Variants in RAD51B observed in about 807,000 individuals in gnomAD.
RAD51B encodes RAD51 paralog B.
RAD51B carries 38 observed loss-of-function variants against 42.2 expected under a neutral mutation model. The observed-to-expected ratio is 0.90, with a 90% CI of 0.70 to 1.18. The LOEUF is 1.18. RAD51B is among the 50% of genes most tolerant of loss of function. RAD51B has a pLI of 0.00. For missense variants in RAD51B, 373 were observed against 400.7 expected (o/e 0.93, Z 0.59); for synonymous variants, 154 against 145.2 (o/e 1.06, Z -0.43).
At chr14:68,425,034 C>T (rs2084799417) in intron 9 of RAD51B, among the ~76,000 whole-genome samples, 1 of 152,156 alleles carries the variant, frequency 6.6e-6, no homozygotes, top group Admixed American at 6.5e-5. Flanking sequence ...CTCAGTCATC[C>T]AAAGGGCTGA....
At chr14:67,948,040 A>G (rs1046340764) in intron 7 of RAD51B, among the ~76,000 whole-genome samples, 6 of 152,098 alleles carry the variant, frequency 3.9e-5, no homozygotes, top group African/African-American at 1.2e-4. Flanking sequence ...AATTAGGTAA[A>G]TAGTTCTATT....
chr14:68,338,733 C>A, intron 8 of RAD51B: 1 of 407,162 alleles, frequency 2.5e-6, no homozygotes, highest in South Asian at 2.2e-5. Flanking sequence ...TACATTTAAC[C>A]CAGTTCAGTG....
Position 68,169,650 on chromosome 14 carries a change from G to A in RAD51B, c.757-122234G>A, listed in dbSNP as rs1335746001. Among the ~76,000 whole-genome samples, 8 of 149,818 alleles carry A rather than the reference G, an allele frequency of 5.3e-5. 1 individual carries two copies. The highest frequency in any genetic ancestry group is 1.2e-4 in the Non-Finnish European group (8 of 67,210). Reference sequence around the variant, plus strand: ...AGATGTTGCTGAGTCCTGCTGGCTCGAATTTTCCTGTGGCCAGATGGTCTG... The same window carrying A: ...AGATGTTGCTGAGTCCTGCTGGCTCAAATTTTCCTGTGGCCAGATGGTCTG... On this transcript the variant is annotated intron_variant, in intron 7 of 10. Transcript: ENST00000471583.
At chr14:68,680,566 G>A (rs1259172195) in intron 11 of RAD51B, among the ~76,000 whole-genome samples, 2 of 152,116 alleles carry the variant, frequency 1.3e-5, no homozygotes, top group African/African-American at 4.8e-5. Flanking sequence ...GCCAATGCAA[G>A]CTTCAGCACA....
At chr14:68,350,455 C>T (rs1341931362) in intron 8 of RAD51B, among the ~76,000 whole-genome samples, 7 of 152,210 alleles carry the variant, frequency 4.6e-5, no homozygotes, top group Non-Finnish European at 1.0e-4. Context: ...TAAACTGCAT[C>T]TGCATGTTAC....
chr14:68,355,572 C>G (rs1393171851), intron 8 of RAD51B, among the ~76,000 whole-genome samples: 1 of 152,172 alleles, frequency 6.6e-6, no homozygotes, highest in Non-Finnish European at 1.5e-5. Flanking sequence ...ATTCATGAGA[C>G]TTGCTGGTCA....
intron 10 of RAD51B, chr14:68,468,525 G>A (rs2086042563): frequency 6.6e-6 from 3 of 454,634 alleles, no homozygotes; most frequent in Middle Eastern, 6.5e-4. Flanking sequence ...AGAAAGCTCG[G>A]AATTGCTACC....
At chr14:67,909,566 CAG>C (rs1203541528) in intron 7 of RAD51B, among the ~76,000 whole-genome samples, 2 of 152,116 alleles carry the variant, frequency 1.3e-5, no homozygotes, top group Non-Finnish European at 2.9e-5. Flanking sequence ...GCCTAAGTAT[CAG>C]AGGAGTTTGA....
chr14:68,677,096 T>A (rs1939469887), intron 11 of RAD51B, among the ~76,000 whole-genome samples: 1 of 152,164 alleles, frequency 6.6e-6, no homozygotes, highest in South Asian at 2.1e-4. Context: ...AGCTGGAAAA[T>A]GATTTCTGGA....
intron 7 of RAD51B, among the ~76,000 whole-genome samples, chr14:68,223,252 C>G (rs1464622054): frequency 6.6e-6 from 1 of 152,216 alleles, no homozygotes; most frequent in Non-Finnish European, 1.5e-5. Context: ...AGGATCTCCT[C>G]CAAGACGGTT....
intron 7 of RAD51B, among the ~76,000 whole-genome samples, chr14:68,238,479 T>A (rs942973350): frequency 1.3e-5 from 2 of 152,058 alleles, no homozygotes; most frequent in African/African-American, 2.4e-5. Context: ...TTTTAAAAAA[T>A]TTTTTGTAGA....
At position 68,164,071 on chromosome 14, in the gene RAD51B, G is replaced by A. The variant is rs77670122; in HGVS notation, c.757-127813G>A. Among the ~76,000 whole-genome samples the A allele has an allele frequency of 3.1e-3, 478 of 152,254 alleles. 2 individuals carry two copies. Among genetic ancestry groups the A allele is most frequent in the African/African-American group, 0.011 (456 of 41,532 alleles). Reference sequence around the variant, plus strand: ...AGTTTATTCCTCTTTACTGCTTTGTGATAGGGCTTGGTATTCCCAATTTTA... The same window carrying A: ...AGTTTATTCCTCTTTACTGCTTTGTAATAGGGCTTGGTATTCCCAATTTTA... On this transcript the variant is annotated intron_variant, in intron 7 of 10. Coordinates refer to ENST00000471583, the MANE Select transcript of RAD51B (RefSeq NM_133510.4).
At chr14:68,360,479 A>C (rs1332666918) in intron 8 of RAD51B, among the ~76,000 whole-genome samples, 1 of 152,268 alleles carries the variant, frequency 6.6e-6, no homozygotes, top group Non-Finnish European at 1.5e-5. Context: ...TAGTGGCAGC[A>C]GTAGTCTTCG....
chr14:68,548,820 G>A (rs530956854), intron 10 of RAD51B, among the ~76,000 whole-genome samples: 38 of 152,238 alleles, frequency 2.5e-4, no homozygotes, highest in Admixed American at 1.2e-3. Context: ...GGGGCTGCCC[G>A]AGGCCTCTGA....
intron 3 of RAD51B, among the ~76,000 whole-genome samples, chr14:67,825,878 G>GAT (rs2040815732): frequency 6.6e-6 from 1 of 151,982 alleles, no homozygotes. Context: ...TACAGGCACG[G>GAT]TGCTACCAAG....
intron 8 of RAD51B, among the ~76,000 whole-genome samples, chr14:68,371,353 C>G (rs762676201): frequency 1.4e-4 from 21 of 152,112 alleles, no homozygotes; most frequent in African/African-American, 2.4e-5. Flanking sequence ...CCCGTCTCTA[C>G]TAAAAATACC....
At chr14:68,518,386 G>A (rs1195109116) in intron 10 of RAD51B, among the ~76,000 whole-genome samples, 3 of 152,176 alleles carry the variant, frequency 2.0e-5, no homozygotes, top group Non-Finnish European at 4.4e-5. Context: ...CGGTCTGCAG[G>A]CGGGAAACAA....
At chr14:68,620,333 T>C (rs1315814095) in intron 10 of RAD51B, among the ~76,000 whole-genome samples, 2 of 152,182 alleles carry the variant, frequency 1.3e-5, no homozygotes, top group African/African-American at 4.8e-5. Flanking sequence ...CAACCTTCCC[T>C]ACAGCCTCTG....
At position 68,641,614 on chromosome 14, in the gene RAD51B, T is replaced by C. The variant is rs1455256518; in HGVS notation, c.1037-9167T>C. On this transcript the variant is annotated intron_variant, in intron 10 of 11. Coordinates refer to the RAD51B transcript ENST00000488612. Reference sequence around the variant, plus strand: ...ATATTCTTTATCATGTTGAGGAAATTCCCCTGTATTTCTAGTTTACTGAGA... The same window carrying C: ...ATATTCTTTATCATGTTGAGGAAATCCCCCTGTATTTCTAGTTTACTGAGA... Among the ~76,000 whole-genome samples, 3 of 151,806 alleles carry C rather than the reference T, an allele frequency of 2.0e-5. 1 individual carries two copies. In the South Asian group the frequency reaches 6.2e-4, roughly 31 times the overall value.
Sources: gnomAD v4.1 joint callset for allele counts (sites outside exome capture counted in the v4.1 genomes callset) on GRCh38, gnomAD v4.1.1 for gene constraint, MANE v1.5 for transcripts, NCBI Gene and HGNC (gene_info 2026-07-23, HGNC 2026-07-21) for gene names.